Variants in GLP2R observed in about 807,000 individuals in gnomAD.
The protein encoded by GLP2R is glucagon-like peptide 2 receptor.
A neutral mutation model predicts 68.2 loss-of-function variants in GLP2R; 59 were observed. The ratio of observed to expected loss-of-function variants is 0.87; its 90% confidence interval spans 0.70 to 1.07. The LOEUF (loss-of-function observed/expected upper bound fraction) is 1.07, where lower values mean the gene tolerates loss of function less well. Among genes scored for constraint, GLP2R ranks in the 50% least tolerant of loss-of-function variants. The probability of loss-of-function intolerance (pLI) is 0.00; values close to 1 mark genes in which losing one functional copy is unlikely to be tolerated. For synonymous variants in GLP2R, 270 were observed against 265.4 expected (o/e 1.02, Z -0.17); for missense variants, 548 against 677.4 (o/e 0.81, Z 2.12).
chr17:9,874,753 G>C (rs1056357598), intron 10 of GLP2R, among the ~76,000 whole-genome samples: 4 of 152,134 alleles, frequency 2.6e-5, no homozygotes, highest in African/African-American at 9.7e-5. Context: ...GTGCCCACAT[G>C]CCTCCCAAAA....
intron 1 of GLP2R, among the ~76,000 whole-genome samples, chr17:9,830,315 G>T (rs1165861187): frequency 6.6e-6 from 1 of 152,156 alleles, no homozygotes; most frequent in Non-Finnish European, 1.5e-5. Context: ...ATAGTACTTT[G>T]TCCACCAATG....
At chr17:9,852,802 A>ACAT (rs149176424) in intron 4 of GLP2R, 33,538 of 270,632 alleles carry the variant, frequency 0.12, 2,854 homozygotes, top group East Asian at 0.24. Context: ...ATCTTCTTCA[A>ACAT]CATCATCATC....
chr17:9,847,141 C>T (rs894184266), intron 4 of GLP2R, among the ~76,000 whole-genome samples: 2 of 152,172 alleles, frequency 1.3e-5, no homozygotes, highest in Non-Finnish European at 2.9e-5. Flanking sequence ...GCAGATACAA[C>T]AGCAAAAATA....
Position 9,868,664 on chromosome 17 carries a change from C to T in GLP2R, c.1057-2083C>T, listed in dbSNP as rs578148300. Among the ~76,000 whole-genome samples, 14 of 152,274 alleles carry T rather than the reference C, an allele frequency of 9.2e-5. 1 individual carries two copies. Among genetic ancestry groups the T allele is most frequent in the East Asian group, 5.8e-4 (3 of 5,170 alleles). On this transcript the variant is annotated intron_variant, in intron 9 of 12. Coordinates refer to ENST00000262441, the MANE Select transcript of GLP2R (RefSeq NM_004246.3). ...AGCAGAGGCTTCATGGTACCCCCAG[C>T]TAGGGTTTCATCCTGTGGCAGTGAG...
At chr17:9,870,367 G>T (rs1270637802) in intron 9 of GLP2R, among the ~76,000 whole-genome samples, 1 of 152,142 alleles carries the variant, frequency 6.6e-6, no homozygotes. Flanking sequence ...TACTCAATAC[G>T]TGGTAGTTAA....
intron 10 of GLP2R, among the ~76,000 whole-genome samples, chr17:9,878,520 G>A (rs1388490500): frequency 6.6e-6 from 1 of 152,200 alleles, no homozygotes; most frequent in Non-Finnish European, 1.5e-5. Context: ...CTGTAGGGGT[G>A]GGTGTTGGAG....
At chr17:9,835,428 C>T (rs1052712925) in intron 2 of GLP2R, among the ~76,000 whole-genome samples, 1 of 152,092 alleles carries the variant, frequency 6.6e-6, no homozygotes, top group Admixed American at 6.5e-5. Flanking sequence ...AAGGTTGTTG[C>T]TTCCCATTGC....
chr17:9,869,743 G>GAGAA lies in GLP2R; in HGVS notation c.1057-1000_1057-997dup, dbSNP rs1046651819. Among the ~76,000 whole-genome samples the GAGAA allele has an allele frequency of 3.3e-5, 5 of 152,366 alleles. No individual in the cohort carries two copies. In the South Asian group the frequency reaches 8.3e-4, roughly 25 times the overall value. On this transcript the variant is annotated intron_variant, in intron 9 of 12. Coordinates refer to ENST00000262441, the MANE Select transcript of GLP2R (RefSeq NM_004246.3). Reference sequence around the variant, plus strand: ...GTGAGAAACCTAAGAGAGAGAGAGAGAGAAAGAGAGAGCTGGGTGGAAGCC... The same window carrying GAGAA: ...GTGAGAAACCTAAGAGAGAGAGAGAGAGAAAGAAAGAGAGAGCTGGGTGGAAGCC...
intron 9 of GLP2R, among the ~76,000 whole-genome samples, chr17:9,864,489 TG>T (rs113912978): frequency 5.7e-5 from 5 of 87,806 alleles, no homozygotes; most frequent in African/African-American, 1.4e-4. Context: ...TCTGTTTTTT[TG>T]TTTGTTTGTT....
chr17:9,877,568 C>T (rs372088691), intron 10 of GLP2R, among the ~76,000 whole-genome samples: 1 of 152,114 alleles, frequency 6.6e-6, no homozygotes, highest in African/African-American at 2.4e-5. Context: ...TTTTGACAAA[C>T]GGGCATGGTT....
At position 9,890,180 on chromosome 17, in the gene GLP2R, C is replaced by A; in HGVS notation, c.*475C>A. 2.5e-6 allele frequency: 1 copy of A among 395,566 alleles called. No homozygotes were observed. 24.5% of individuals were successfully genotyped at this position (395,566 alleles called of 1,614,324 possible). On this transcript the variant is annotated 3_prime_UTR_variant, in exon 13 of 13. Coordinates refer to ENST00000262441, the MANE Select transcript of GLP2R (RefSeq NM_004246.3). ...AAGACAGTGAGTCTGGGACCATGGC[C>A]AGGAATTGGAGCTGTTTAATAAGCA... is the stretch of plus-strand genomic sequence containing the variant.
chr17:9,856,934 T>G (rs531499134), intron 5 of GLP2R, among the ~76,000 whole-genome samples: 1 of 152,302 alleles, frequency 6.6e-6, no homozygotes, highest in South Asian at 2.1e-4. Context: ...CTATTTTTTT[T>G]TTTTCTGAGG....
chr17:9,836,630 T>A (rs1207689086), intron 3 of GLP2R, among the ~76,000 whole-genome samples, 155 bp downstream of exon 3: 1 of 152,104 alleles, frequency 6.6e-6, no homozygotes, highest in African/African-American at 2.4e-5. Flanking sequence ...TGTATGTATG[T>A]ATATATTTAT....
Position 9,842,557 on chromosome 17 carries a change from G to A in GLP2R, c.445G>A (p.Ala149Thr), listed in dbSNP as rs779175382. The A allele has an allele frequency of 3.0e-5, 48 of 1,613,930 alleles. No individual in the cohort carries two copies. In the African/African-American group the frequency reaches 3.6e-4, roughly 12 times the overall value. Residue 149 changes from alanine (A) to threonine (T), a missense_variant, in exon 4 of 13, where the codon GCC becomes ACC. Physicochemically the swap from Ala to Thr is moderately conservative, Grantham distance 58. Transcript: ENST00000262441. Reference sequence around the variant, plus strand: ...GGGGACTTGGCAGACGATAGAGAACGCCACGGATATTTGGCAGGATGACTC... The same window carrying A: ...GGGGACTTGGCAGACGATAGAGAACACCACGGATATTTGGCAGGATGACTC... ...AQGTWQTIEN[A>T]TDIWQDDSEC...
At chr17:9,835,191 G>A (rs1052826390) in intron 2 of GLP2R, among the ~76,000 whole-genome samples, 3 of 151,990 alleles carry the variant, frequency 2.0e-5, no homozygotes, top group Admixed American at 6.6e-5. Context: ...ACCACTCCCA[G>A]CTAATTTTTG....
At chr17:9,846,997 GAAGA>G (rs2066845084) in intron 4 of GLP2R, among the ~76,000 whole-genome samples, 1 of 152,214 alleles carries the variant, frequency 6.6e-6, no homozygotes, top group African/African-American at 2.4e-5. Flanking sequence ...TTCCACTCCT[GAAGA>G]AAGAAAGGCT....
In GLP2R at chr17:9,877,559, T is replaced by G. The variant is rs193228442; in HGVS notation, c.1146-2819T>G. Among the ~76,000 whole-genome samples the G allele has an allele frequency of 5.3e-5, 8 of 152,248 alleles. No individual in the cohort carries two copies. In the East Asian group the frequency reaches 1.5e-3, roughly 29 times the overall value. On this transcript the variant is annotated intron_variant, in intron 10 of 12. Transcript: ENST00000262441. ...TAATATACCGTGTTGGTTTCTTAGTTTTGACAAACGGGCATGGTTATGTAG... is the reference window on the plus strand; with the variant it reads ...TAATATACCGTGTTGGTTTCTTAGTGTTGACAAACGGGCATGGTTATGTAG...
Position 9,889,820 on chromosome 17 carries a change from A to G in GLP2R, c.*115A>G, listed in dbSNP as rs755347844. On this transcript the variant is annotated 3_prime_UTR_variant, in exon 13 of 13. Coordinates refer to ENST00000262441, the MANE Select transcript of GLP2R (RefSeq NM_004246.3). ...CGGAATCATTCTCGTTCCATTCACCATGCCACTTTGATATGAAAGCTATCA... is the reference window on the plus strand; with the variant it reads ...CGGAATCATTCTCGTTCCATTCACCGTGCCACTTTGATATGAAAGCTATCA... 52 of 667,228 alleles carry G rather than the reference A, an allele frequency of 7.8e-5. No individual in the cohort carries two copies. The highest frequency in any genetic ancestry group is 1.0e-4 in the Non-Finnish European group (41 of 391,490). The allele number at this position is 667,228 out of a possible 1,614,324, so 41.3% of individuals were successfully genotyped here. A position where few individuals can be genotyped will look rare whatever the true frequency, so the allele number is the denominator to read the frequency against.
chr17:9,826,212 G>A lies in GLP2R; in HGVS notation c.149G>A (p.Arg50Lys), dbSNP rs1382309825. 6.2e-7 allele frequency: 1 copy of A among 1,612,416 alleles called. No individual in the cohort carries two copies. The highest frequency in any genetic ancestry group is 8.5e-7 in the Non-Finnish European group (1 of 1,179,506). ...AAGTGCTCTCTCTGGGCCCCTGGGA[G>A]GCCCTTCCTCACTCTGGTCCTGCTG... ...HRKCSLWAPG[R>K]PFLTLVLLVS... The change falls in exon 1 of 13, where the codon AGG (arginine) becomes AAG (lysine). Residue 50 changes from arginine (R) to lysine (K), a missense_variant. By Grantham distance (26) the Arg-to-Lys change is conservative. Transcript: ENST00000262441.
Sources: allele counts gnomAD v4.1 joint callset (sites outside exome capture counted in the v4.1 genomes callset), GRCh38; gene constraint gnomAD v4.1.1; transcripts MANE v1.5; gene names NCBI Gene and HGNC (gene_info 2026-07-23, HGNC 2026-07-21).